KCNMB4: variants seen among roughly 807,000 people sequenced by gnomAD.
KCNMB4 encodes calcium-activated potassium channel subunit beta-4.
In KCNMB4, 3 loss-of-function variants were observed where a neutral mutation model predicts 20.7. That is an observed-to-expected ratio of 0.14 (90% CI 0.07 to 0.37). The LOEUF (loss-of-function observed/expected upper bound fraction) is 0.37. Ranked by LOEUF, KCNMB4 falls within the 10% of genes least tolerant of loss-of-function variation. The probability of loss-of-function intolerance (pLI) is 1.00; values close to 1 mark genes in which losing one functional copy is unlikely to be tolerated. For missense variants in KCNMB4, 168 were observed against 265.9 expected, an observed-to-expected ratio of 0.63 and a Z score of 2.56; for synonymous variants, 110 against 113.4, an observed-to-expected ratio of 0.97 and a Z score of 0.19.
At chr12:70,390,082 C>G (rs1203726332) in intron 1 of KCNMB4, among the ~76,000 whole-genome samples, 2 of 152,134 alleles carry the variant, frequency 1.3e-5, no homozygotes, top group South Asian at 2.1e-4. Flanking sequence ...ATGTTCTGCC[C>G]AGAGTTATGC....
chr12:70,409,086 T>A (rs1868695361), intron 2 of KCNMB4, among the ~76,000 whole-genome samples: 1 of 152,232 alleles, frequency 6.6e-6, no homozygotes, highest in Non-Finnish European at 1.5e-5. Flanking sequence ...TTTTTATCTT[T>A]TCCTCTTGTT....
At chr12:70,391,881 C>A (rs79754220) in intron 1 of KCNMB4, among the ~76,000 whole-genome samples, 11,112 of 152,236 alleles carry the variant, frequency 0.073, 623 homozygotes, top group East Asian at 0.26. Context: ...TAGACCTCCA[C>A]CTCTCAATTG....
At chr12:70,398,178 A>G (rs1451568845) in intron 1 of KCNMB4, among the ~76,000 whole-genome samples, 3 of 152,044 alleles carry the variant, frequency 2.0e-5, no homozygotes, top group South Asian at 2.1e-4. Context: ...GTTCCCAGCC[A>G]TCTCCCCAGT....
At chr12:70,400,699 G>A (rs567064551) in intron 2 of KCNMB4, among the ~76,000 whole-genome samples, 1 of 152,062 alleles carries the variant, frequency 6.6e-6, no homozygotes, top group Non-Finnish European at 1.5e-5. Context: ...CGTCAATAAC[G>A]TGAGTTCACA....
intron 1 of KCNMB4, among the ~76,000 whole-genome samples, chr12:70,372,173 C>T (rs951205522): frequency 6.6e-6 from 1 of 151,916 alleles, no homozygotes; most frequent in Non-Finnish European, 1.5e-5. Flanking sequence ...ACTATGAGGG[C>T]GAAAGTGAGG....
At chr12:70,409,686 AC>A (rs1386441358) in intron 2 of KCNMB4, among the ~76,000 whole-genome samples, 6 of 152,310 alleles carry the variant, frequency 3.9e-5, no homozygotes, top group African/African-American at 1.4e-4. Flanking sequence ...AATTTCAAAG[AC>A]CTTTCTGTGT....
intron 2 of KCNMB4, among the ~76,000 whole-genome samples, chr12:70,408,254 A>G (rs896998125): frequency 6.6e-6 from 1 of 152,052 alleles, no homozygotes; most frequent in Non-Finnish European, 1.5e-5. Flanking sequence ...TGCTGTTTGG[A>G]GGTGTGAAAA....
chr12:70,373,207 CTG>C (rs1047575190), intron 1 of KCNMB4, among the ~76,000 whole-genome samples: 40 of 152,212 alleles, frequency 2.6e-4, no homozygotes, highest in African/African-American at 9.1e-4. Context: ...CCCTCAAAAA[CTG>C]TAAGTGTCTT....
In KCNMB4 at chr12:70,419,271, G is replaced by C. The variant is rs533128590; in HGVS notation, c.465-11214G>C. Among the ~76,000 whole-genome samples the C allele has an allele frequency of 5.4e-4, 82 of 152,292 alleles. 1 individual carries two copies. The highest frequency in any genetic ancestry group is 1.9e-3 in the African/African-American group (77 of 41,570). On this transcript the variant is annotated intron_variant, in intron 2 of 2. Coordinates refer to ENST00000258111, the MANE Select transcript of KCNMB4 (RefSeq NM_014505.6). Reference sequence around the variant, plus strand: ...ATCGCTGAGATAGAAAATGAGTTCTGAGAGACTTTCTTTGGAAACAAAATG... The same window carrying C: ...ATCGCTGAGATAGAAAATGAGTTCTCAGAGACTTTCTTTGGAAACAAAATG...
Position 70,366,977 on chromosome 12 carries a change from G to A in KCNMB4, c.243G>A (p.Gln81=), listed in dbSNP as rs1883506028. The A allele has an allele frequency of 6.2e-7, 1 of 1,608,250 alleles. No individual in the cohort carries two copies. The highest frequency in any genetic ancestry group is 8.5e-7 in the Non-Finnish European group (1 of 1,177,474). The change falls in exon 1 of 3, where the codon CAG becomes CAA. Residue 81 remains glutamine (Q), a synonymous_variant. Transcript: ENST00000258111. Reference sequence around the variant, plus strand: ...GCGCCGACTGCAGGGGCACCTCGCAGTACCCCTGCGTCCAGGTCTACGTGA... The same window carrying A: ...GCGCCGACTGCAGGGGCACCTCGCAATACCCCTGCGTCCAGGTCTACGTGA... The part of the protein sequence containing the change: ...TCGADCRGTS[Q]YPCVQVYVNN...
intron 2 of KCNMB4, among the ~76,000 whole-genome samples, chr12:70,425,061 T>C (rs1869173214): frequency 6.6e-6 from 1 of 152,144 alleles, no homozygotes. Context: ...AATCAATAGA[T>C]CAAGTCAGAT....
rs1868416090 is a variant in KCNMB4 at position 70,400,272 on chromosome 12, C to G, written c.400C>G (p.Gln134Glu). 6 of 1,612,606 alleles carry G rather than the reference C, an allele frequency of 3.7e-6. No individual in the cohort carries two copies. Among genetic ancestry groups the G allele is most frequent in the Non-Finnish European group, 5.1e-6 (6 of 1,179,318 alleles). Residue 134 changes from glutamine to glutamate, a missense_variant, in exon 2 of 3, where the codon CAA (glutamine) becomes GAA (glutamate). Coordinates refer to ENST00000258111, the MANE Select transcript of KCNMB4 (RefSeq NM_014505.6). The stretch of plus-strand genomic sequence containing the variant: ...GAATTTGGAAAGTGTCATGAATTGG[C>G]AACAGTACTGGAAAGATGAGATTGG... ...QKNLESVMNW[Q>E]QYWKDEIGSQ...
chr12:70,367,160 T>G lies in KCNMB4; in HGVS notation c.336+90T>G, dbSNP rs368037458. Reference sequence around the variant, plus strand: ...GACTCCGCGCGGGGAGGGTTCGGCGTGTGCTCGCATTGCTAGGAGGAGACC... The same window carrying G: ...GACTCCGCGCGGGGAGGGTTCGGCGGGTGCTCGCATTGCTAGGAGGAGACC... On this transcript the variant is annotated intron_variant, in intron 1 of 2. Coordinates refer to ENST00000258111, the MANE Select transcript of KCNMB4 (RefSeq NM_014505.6). 21 of 1,029,594 alleles carry G rather than the reference T, an allele frequency of 2.0e-5. No individual in the cohort carries two copies. In the East Asian group the frequency reaches 4.7e-4, roughly 23 times the overall value. The allele number at this position is 1,029,594 out of a possible 1,614,324, so 63.8% of individuals were successfully genotyped here.
intron 2 of KCNMB4, among the ~76,000 whole-genome samples, chr12:70,404,681 A>G (rs1330123559): frequency 6.6e-6 from 1 of 152,210 alleles, no homozygotes; most frequent in Non-Finnish European, 1.5e-5. Context: ...AATCAACAGA[A>G]CTTAATGACA....
chr12:70,379,470 G>A (rs2136118643), intron 1 of KCNMB4, among the ~76,000 whole-genome samples: 1 of 152,192 alleles, frequency 6.6e-6, no homozygotes, highest in East Asian at 1.9e-4. Flanking sequence ...CCAGGCTGGA[G>A]TGCAGTGGTG....
rs1232134784 is a variant in KCNMB4, at chr12:70,433,057, A to T, written c.*2404A>T. 6.6e-6 allele frequency: 1 copy of T among 152,162 alleles called. No homozygotes were observed. The highest frequency in any genetic ancestry group is 1.5e-5 in the Non-Finnish European group (1 of 68,040). 9.4% of individuals were successfully genotyped at this position (152,162 alleles called of 1,614,324 possible). On this transcript the variant is annotated 3_prime_UTR_variant, in exon 3 of 3. Coordinates refer to ENST00000258111, the MANE Select transcript of KCNMB4 (RefSeq NM_014505.6). ...AAAAGGGGAGAAGCACACTGAATTCATAAGGTCACATGTAGTCTTAAGGTC... is the reference window on the plus strand; with the variant it reads ...AAAAGGGGAGAAGCACACTGAATTCTTAAGGTCACATGTAGTCTTAAGGTC...
At chr12:70,370,567 C>T (rs1883574501) in intron 1 of KCNMB4, among the ~76,000 whole-genome samples, 1 of 151,998 alleles carries the variant, frequency 6.6e-6, no homozygotes, top group South Asian at 2.1e-4. Flanking sequence ...CTTGGCCTCC[C>T]AAAGGGCTGG....
Position 70,404,800 on chromosome 12 carries a change from T to C in KCNMB4, c.464+4464T>C, listed in dbSNP as rs1298494425. 2.6e-5 allele frequency among the ~76,000 whole-genome samples: 4 copies of C among 152,208 alleles called. No homozygotes were observed. In the South Asian group the frequency reaches 8.3e-4, roughly 32 times the overall value. On this transcript the variant is annotated intron_variant, in intron 2 of 2. Transcript: ENST00000258111. ...GATTCTTAAAATATCCAGAAGATGC[T>C]TTGAAAGAGTTAGAAACACAGACTT...
At chr12:70,374,227 C>T (rs576722852) in intron 1 of KCNMB4, among the ~76,000 whole-genome samples, 1 of 152,304 alleles carries the variant, frequency 6.6e-6, no homozygotes, top group Admixed American at 6.5e-5. Flanking sequence ...TGATCACAAA[C>T]TTGCCTCGTT....
Sources: gnomAD v4.1 joint callset for allele counts (sites outside exome capture counted in the v4.1 genomes callset) on GRCh38, gnomAD v4.1.1 for gene constraint, MANE v1.5 for transcripts, NCBI Gene and HGNC (gene_info 2026-07-23, HGNC 2026-07-21) for gene names.